Variants in STK33 observed in about 807,000 individuals in gnomAD.
STK33 encodes the protein serine/threonine kinase 33.
STK33 carries 52 observed loss-of-function variants against 58.0 expected under a neutral mutation model. That is an observed-to-expected ratio of 0.90 (90% confidence interval 0.72 to 1.13). The LOEUF (loss-of-function observed/expected upper bound fraction) is 1.13. Ranked by LOEUF, STK33 falls within the 50% of genes most tolerant of loss-of-function variation. The pLI, the probability that STK33 is intolerant of heterozygous loss-of-function variation, is 0.00. For synonymous variants in STK33, 215 were observed against 200.1 expected, an observed-to-expected ratio of 1.07 and a Z score of -0.63; for missense variants, 630 against 604.2, an observed-to-expected ratio of 1.04 and a Z score of -0.45.
intron 1 of STK33, among the ~76,000 whole-genome samples, chr11:8,508,792 T>A (rs1230990326): frequency 3.9e-5 from 6 of 152,218 alleles, no homozygotes; most frequent in African/African-American, 1.4e-4. Context: ...GAGCTTGAAA[T>A]GAATAACCAT....
chr11:8,404,653 T>C (rs961547406), intron 15 of STK33, among the ~76,000 whole-genome samples: 36 of 152,232 alleles, frequency 2.4e-4, no homozygotes, highest in African/African-American at 8.7e-4. Flanking sequence ...TAGTAACTCA[T>C]TTCTTTTTTC....
At chr11:8,500,623 A>G (rs1294276398) in intron 1 of STK33, among the ~76,000 whole-genome samples, 1 of 152,230 alleles carries the variant, frequency 6.6e-6, no homozygotes, top group African/African-American at 2.4e-5. Flanking sequence ...AAACTGATCT[A>G]CCAATTCAGT....
chr11:8,446,550 C>A (rs182700639), intron 11 of STK33, among the ~76,000 whole-genome samples: 1 of 152,130 alleles, frequency 6.6e-6, no homozygotes, highest in Non-Finnish European at 1.5e-5. Flanking sequence ...AGGCATCATA[C>A]TACCTGACTT....
chr11:8,567,229 G>C (rs148688895), intron 1 of STK33: 2 of 152,236 alleles, frequency 1.3e-5, no homozygotes, highest in African/African-American at 4.8e-5. Context: ...GTTAACAGTA[G>C]AGACTCTGGT....
intron 1 of STK33, among the ~76,000 whole-genome samples, chr11:8,483,195 T>G (rs865893812): frequency 3.3e-5 from 5 of 151,458 alleles, no homozygotes; most frequent in Non-Finnish European, 5.9e-5. Context: ...TCACAAGGAA[T>G]GAGTTAGAGT....
intron 1 of STK33, among the ~76,000 whole-genome samples, chr11:8,519,610 A>C (rs1476765503): frequency 6.6e-6 from 1 of 152,206 alleles, no homozygotes; most frequent in Non-Finnish European, 1.5e-5. Context: ...ACTAATAAAG[A>C]AGAAAACAGA....
At chr11:8,354,517 C>CA in the STK33 span, among the ~76,000 whole-genome samples, 23 of 146,254 alleles carry the variant, frequency 1.6e-4, no homozygotes, top group East Asian at 4.1e-4. Context: ...CACACACACA[C>CA]CCCTCAGACA....
At chr11:8,429,793 T>A (rs1411267778) in intron 14 of STK33, among the ~76,000 whole-genome samples, 2 of 152,152 alleles carry the variant, frequency 1.3e-5, no homozygotes, top group Admixed American at 6.6e-5. Context: ...AACTCCTGAC[T>A]CTTGGTTCAC....
At chr11:8,455,385 A>G (rs1406295414) in intron 9 of STK33, among the ~76,000 whole-genome samples, 2 of 152,232 alleles carry the variant, frequency 1.3e-5, no homozygotes, top group Non-Finnish European at 2.9e-5. Flanking sequence ...TTGAGACACA[A>G]AATCTCCAGT....
At chr11:8,449,958 G>A (rs1041012670) in intron 11 of STK33, among the ~76,000 whole-genome samples, 4 of 152,100 alleles carry the variant, frequency 2.6e-5, no homozygotes, top group African/African-American at 7.2e-5. Flanking sequence ...GTTGGTGGGA[G>A]TGCAAATTAG....
intron 15 of STK33, among the ~76,000 whole-genome samples, chr11:8,406,142 C>CA (rs59336494): frequency 0.065 from 6,132 of 94,284 alleles, 673 homozygotes; most frequent in African/African-American, 0.073. Flanking sequence ...GACTCCGTCT[C>CA]AAAAAAAAAA....
chr11:8,564,705 C>T (rs1315858353), intron 1 of STK33, among the ~76,000 whole-genome samples: 1 of 152,154 alleles, frequency 6.6e-6, no homozygotes, highest in Non-Finnish European at 1.5e-5. Flanking sequence ...GCTGATGGAC[C>T]TTTCACCATT....
At chr11:8,363,269 C>T in the STK33 span, among the ~76,000 whole-genome samples, 43,764 of 152,062 alleles carry the variant, frequency 0.29, 6,758 homozygotes, top group African/African-American at 0.4. Context: ...TGGAGCTGCA[C>T]AAAATTCACA....
the STK33 span, among the ~76,000 whole-genome samples, chr11:8,335,438 G>C: frequency 6.6e-6 from 1 of 152,342 alleles, no homozygotes; most frequent in South Asian, 2.1e-4. Flanking sequence ...CCTGGTACTA[G>C]TGAAGGCTGA....
chr11:8,386,533 G>C, the STK33 span, among the ~76,000 whole-genome samples: 1 of 152,136 alleles, frequency 6.6e-6, no homozygotes, highest in African/African-American at 2.4e-5. Flanking sequence ...TCTTCTCCTG[G>C]GACCAAGTGG....
intron 15 of STK33, among the ~76,000 whole-genome samples, chr11:8,393,591 A>C (rs1848868705): frequency 6.6e-6 from 1 of 152,224 alleles, no homozygotes; most frequent in African/African-American, 2.4e-5. Context: ...GGGTAGAGAT[A>C]GGGAAGCTCT....
At chr11:8,556,410 T>G (rs190466715) in intron 1 of STK33, among the ~76,000 whole-genome samples, 1 of 152,342 alleles carries the variant, frequency 6.6e-6, no homozygotes, top group Admixed American at 6.5e-5. Flanking sequence ...ATCTTTTCAG[T>G]AACACAGCTC....
chr11:8,457,139 T>C (rs1946955167), intron 9 of STK33, among the ~76,000 whole-genome samples: 1 of 152,214 alleles, frequency 6.6e-6, no homozygotes, highest in Admixed American at 6.5e-5. Flanking sequence ...ATAAAAAATG[T>C]TCATAATTTC....
intron 1 of STK33, among the ~76,000 whole-genome samples, chr11:8,512,342 A>G (rs1407686916): frequency 3.4e-4 from 51 of 149,944 alleles, no homozygotes; most frequent in Admixed American, 3.1e-3. Flanking sequence ...TACAAAAAAA[A>G]TATCAACCAG....
Sources: allele counts gnomAD v4.1 joint callset (sites outside exome capture counted in the v4.1 genomes callset), GRCh38; gene constraint gnomAD v4.1.1; transcripts MANE v1.5; gene names NCBI Gene and HGNC (gene_info 2026-07-23, HGNC 2026-07-21).